SULF1: variants seen among roughly 807,000 people sequenced by gnomAD.
SULF1 encodes extracellular sulfatase Sulf-1.
A neutral mutation model predicts 110.5 loss-of-function variants in SULF1; 46 were observed. That is an observed-to-expected ratio of 0.42 (90% CI 0.33 to 0.53). The LOEUF (loss-of-function observed/expected upper bound fraction) is 0.53, where lower values mean the gene tolerates loss of function less well. SULF1 is among the 20% of genes least tolerant of loss of function. The probability of loss-of-function intolerance (pLI) is 0.12; values close to 1 mark genes in which losing one functional copy is unlikely to be tolerated. For missense variants in SULF1, 941 were observed against 1,094.2 expected, an observed-to-expected ratio of 0.86 and a Z score of 1.98; for synonymous variants, 371 against 387.1, an observed-to-expected ratio of 0.96 and a Z score of 0.49.
intron 22 of SULF1, among the ~76,000 whole-genome samples, chr8:69,651,285 T>G (rs1256910938): frequency 6.6e-6 from 1 of 152,080 alleles, no homozygotes; most frequent in African/African-American, 2.4e-5. Flanking sequence ...ACTCCTGACC[T>G]CAGGTGATCC....
At chr8:69,635,149 G>A (rs1810885618) in intron 19 of SULF1, among the ~76,000 whole-genome samples, 1 of 152,180 alleles carries the variant, frequency 6.6e-6, no homozygotes, top group South Asian at 2.1e-4. Context: ...ATTCCTGGAG[G>A]GAGAGAGGGT....
chr8:69,502,690 CT>C lies in SULF1; in HGVS notation c.-134+737del, dbSNP rs765285613. Among the ~76,000 whole-genome samples, 989 of 125,822 alleles carry C rather than the reference CT, an allele frequency of 7.9e-3. 10 individuals are homozygous for C. The highest frequency in any genetic ancestry group is 0.025 in the African/African-American group (829 of 33,122). 82.5% of individuals were successfully genotyped at this position (125,822 alleles called of 152,430 possible). ...TTTTCTTTTCTTTTTCTTTTTTTTT[CT>C]TTTTTTTTTTTTTTGAGAGGAAGTC... is the stretch of plus-strand genomic sequence containing the variant. On this transcript the variant is annotated intron_variant, in intron 3 of 22. Transcript: ENST00000402687.
At chr8:69,535,640 TAAG>T (rs918263999) in intron 3 of SULF1, among the ~76,000 whole-genome samples, 3 of 152,074 alleles carry the variant, frequency 2.0e-5, no homozygotes, top group Admixed American at 2.0e-4. Flanking sequence ...AAATCTTAGA[TAAG>T]ATGAGGGTGC....
At position 69,624,068 on chromosome 8, in the gene SULF1, C is replaced by T. The variant is rs199742300; in HGVS notation, c.1721C>T (p.Ala574Val). The T allele has an allele frequency of 3.2e-5, 51 of 1,613,998 alleles. No individual in the cohort carries two copies. The highest frequency in any genetic ancestry group is 4.2e-5 in the Non-Finnish European group (50 of 1,180,038). ...CAAGTGTTGCAACCAAGAAACATTGCTAAGCGTCATGATGAAGGCCACAAG... is the reference window on the plus strand; with the variant it reads ...CAAGTGTTGCAACCAAGAAACATTGTTAAGCGTCATGATGAAGGCCACAAG... Reference protein sequence around the residue: ...ELQVLQPRNIAKRHDEGHKGP... With the variant: ...ELQVLQPRNIVKRHDEGHKGP... Residue 574 changes from alanine to valine, a missense_variant, in exon 15 of 23, where the codon GCT becomes GTT. By Grantham distance (64) the Ala-to-Val change is moderately conservative (BLOSUM62 0). Around this residue, in one of 3 missense-constraint regions of SULF1, gnomAD observed 822 missense variants for 934.3 expected, o/e 0.88. Coordinates refer to ENST00000402687, the MANE Select transcript of SULF1 (RefSeq NM_001128205.2).
intron 3 of SULF1, among the ~76,000 whole-genome samples, chr8:69,533,772 G>A (rs748037755): frequency 7.9e-5 from 12 of 152,094 alleles, no homozygotes; most frequent in Non-Finnish European, 1.8e-4. Flanking sequence ...TATATACCCC[G>A]TAATGGGATT....
chr8:69,565,991 T>G (rs1372393387), intron 5 of SULF1, among the ~76,000 whole-genome samples: 1 of 152,166 alleles, frequency 6.6e-6, no homozygotes, highest in East Asian at 1.9e-4. Flanking sequence ...GTTCATGTCA[T>G]GCGCTTGGTG....
chr8:69,511,215 A>G (rs1473840757), intron 3 of SULF1, among the ~76,000 whole-genome samples: 1 of 152,268 alleles, frequency 6.6e-6, no homozygotes, highest in Non-Finnish European at 1.5e-5. Context: ...ATATATTATC[A>G]GCATCTGTAC....
chr8:69,554,985 AAAAAAAAAAAAAAC>A (rs1422009051), intron 3 of SULF1, among the ~76,000 whole-genome samples: 4 of 103,404 alleles, frequency 3.9e-5, no homozygotes, highest in African/African-American at 9.2e-5. Flanking sequence ...TCTCAAAAAA[AAAAAAAAAAAAAAC>A]AAAAAAAAAA....
chr8:69,593,959 G>T, intron 8 of SULF1, among the ~76,000 whole-genome samples: 1 of 152,188 alleles, frequency 6.6e-6, no homozygotes, highest in Non-Finnish European at 1.5e-5. Flanking sequence ...TGCCATTTAC[G>T]TCCCTGGTGA....
intron 1 of SULF1, among the ~76,000 whole-genome samples, chr8:69,484,445 TA>T (rs1809619839): frequency 1.3e-5 from 2 of 152,198 alleles, no homozygotes; most frequent in African/African-American, 4.8e-5. Context: ...AGACAGGACC[TA>T]AAAATTAAGT....
chr8:69,570,183 G>C (rs1276183060), intron 5 of SULF1, among the ~76,000 whole-genome samples: 9 of 152,110 alleles, frequency 5.9e-5, no homozygotes. Flanking sequence ...GGGTTTGCTT[G>C]TTGTTGTCAA....
rs551892831 is a variant in SULF1 at position 69,603,108 on chromosome 8, G to C, written c.1062-84G>C. The C allele has an allele frequency of 5.6e-5, 88 of 1,576,044 alleles. 1 individual carries two copies. The highest frequency in any genetic ancestry group is 7.5e-5 in the Non-Finnish European group (87 of 1,152,832). ...AGGGTGAGAAGAGTTGAAGGCCAAT[G>C]AGTCACTGCTGTAGAAAAAGCAGCC... On this transcript the variant is annotated intron_variant, in intron 10 of 22. Coordinates refer to ENST00000402687, the MANE Select transcript of SULF1 (RefSeq NM_001128205.2).
At chr8:69,516,798 T>A (rs1453026647) in intron 3 of SULF1, among the ~76,000 whole-genome samples, 2 of 152,192 alleles carry the variant, frequency 1.3e-5, no homozygotes, top group Non-Finnish European at 2.9e-5. Flanking sequence ...CCAGAGGTTC[T>A]ATATTATAAT....
chr8:69,602,870 G>C (rs1195046135), intron 10 of SULF1, among the ~76,000 whole-genome samples: 1 of 152,158 alleles, frequency 6.6e-6, no homozygotes, highest in Non-Finnish European at 1.5e-5. Context: ...CAACGGAAAA[G>C]TTATGGACTA....
At chr8:69,486,848 G>T (rs1409005602) in intron 1 of SULF1, among the ~76,000 whole-genome samples, 1 of 152,168 alleles carries the variant, frequency 6.6e-6, no homozygotes, top group African/African-American at 2.4e-5. Flanking sequence ...GCATCACAAT[G>T]AACATGGCTC....
chr8:69,531,860 G>A (rs1030221422), intron 3 of SULF1, among the ~76,000 whole-genome samples: 3 of 152,076 alleles, frequency 2.0e-5, no homozygotes, highest in African/African-American at 7.2e-5. Flanking sequence ...GTATCAACAC[G>A]GGAAAGAGAG....
intron 3 of SULF1, among the ~76,000 whole-genome samples, chr8:69,560,444 C>T (rs1284977311): frequency 6.6e-6 from 1 of 152,126 alleles, no homozygotes; most frequent in Non-Finnish European, 1.5e-5. Flanking sequence ...AAACTTTCCA[C>T]ACCAATTGAC....
chr8:69,547,950 T>A (rs1031946794), intron 3 of SULF1, among the ~76,000 whole-genome samples: 5 of 152,170 alleles, frequency 3.3e-5, no homozygotes, highest in Non-Finnish European at 5.9e-5. Flanking sequence ...GCAGGAGTGC[T>A]TGGAACTTAA....
intron 5 of SULF1, among the ~76,000 whole-genome samples, chr8:69,573,686 C>T (rs769522152): frequency 2.6e-5 from 4 of 152,210 alleles, no homozygotes; most frequent in Non-Finnish European, 4.4e-5. Flanking sequence ...TCTTCAGTGT[C>T]ACCTTTCACC....
Sources: gnomAD v4.1 joint callset for allele counts (sites outside exome capture counted in the v4.1 genomes callset) on GRCh38, gnomAD v4.1.1 for gene constraint, gnomAD v4.1.1 regional missense constraint, MANE v1.5 for transcripts, NCBI Gene and HGNC (gene_info 2026-07-23, HGNC 2026-07-21) for gene names.